TSNARE1: variants seen among roughly 807,000 people sequenced by gnomAD.
TSNARE1 encodes the protein t-SNARE domain-containing protein 1.
In TSNARE1, 49 loss-of-function variants were observed where a neutral mutation model predicts 62.0. That is an observed-to-expected ratio of 0.79 (90% CI 0.63 to 1.00). The LOEUF (loss-of-function observed/expected upper bound fraction) is 1.00, where lower values mean the gene tolerates loss of function less well. Among genes scored for constraint, TSNARE1 ranks in the 50% least tolerant of loss-of-function variants. The probability of loss-of-function intolerance (pLI) is 0.00; values close to 1 mark genes in which losing one functional copy is unlikely to be tolerated. For synonymous variants in TSNARE1, 328 were observed against 294.4 expected, an observed-to-expected ratio of 1.11 and a Z score of -1.17; for missense variants, 755 against 700.1, an observed-to-expected ratio of 1.08 and a Z score of -0.88.
At chr8:142,341,443 C>T (rs1832573472) in intron 4 of TSNARE1, among the ~76,000 whole-genome samples, 1 of 152,226 alleles carries the variant, frequency 6.6e-6, no homozygotes, top group African/African-American at 2.4e-5. Context: ...GGGCTGCAGG[C>T]ACATCCCAGG....
Position 142,270,230 on chromosome 8 carries a change from C to G in TSNARE1, c.1446+4551G>C, listed in dbSNP as rs999665426. 3.0e-6 allele frequency: 3 copies of G among 985,184 alleles called. No individual in the cohort carries two copies. In the African/African-American group the frequency reaches 5.2e-5, roughly 17 times the overall value. The allele number at this position is 985,184 out of a possible 1,614,324, so 61.0% of individuals were successfully genotyped here. A position where few individuals can be genotyped will look rare whatever the true frequency, so the allele number is the denominator to read the frequency against. On this transcript the variant is annotated intron_variant, in intron 12 of 13. Transcript: ENST00000524325. ...GTGGCAGCCCCGCCAAGGGATCTCCCAAGAGTCAAAGGAGGTAATGGAGGA... is the reference window on the plus strand; with the variant it reads ...GTGGCAGCCCCGCCAAGGGATCTCCGAAGAGTCAAAGGAGGTAATGGAGGA...
chr8:142,287,164 G>A (rs1347804689), intron 10 of TSNARE1, among the ~76,000 whole-genome samples: 26 of 151,318 alleles, frequency 1.7e-4, no homozygotes, highest in Admixed American at 1.7e-3. Context: ...GGGACAGTGG[G>A]CCGCCCTCCA....
chr8:142,229,535 G>A lies in TSNARE1; in HGVS notation c.1491C>T (p.Val497=). ...KIKCCFLSAG[V]TALLVIIIII... Reference sequence around the variant, plus strand: ...TGATGATGATGACAAGCAGGGCAGTGACTCCAGCTGATAGGAAGCAGCACT... The same window carrying A: ...TGATGATGATGACAAGCAGGGCAGTAACTCCAGCTGATAGGAAGCAGCACT... The change falls in exon 13 of 14, where the codon GTC becomes GTT. Residue 497 remains valine (V), a synonymous_variant. Coordinates refer to ENST00000524325, the MANE Select transcript of TSNARE1 (RefSeq NM_145003.5). 6.2e-7 allele frequency: 1 copy of A among 1,614,142 alleles called. No homozygotes were observed. Among genetic ancestry groups the A allele is most frequent in the Non-Finnish European group, 8.5e-7 (1 of 1,180,020 alleles).
intron 12 of TSNARE1, among the ~76,000 whole-genome samples, chr8:142,232,028 G>A (rs962792169): frequency 2.0e-5 from 3 of 152,264 alleles, no homozygotes; most frequent in Non-Finnish European, 4.4e-5. Context: ...GCATGGAAAA[G>A]AAACAGGAGC....
chr8:142,222,237 TTCAC>T (rs370304878), intron 13 of TSNARE1, among the ~76,000 whole-genome samples: 1 of 22,456 alleles, frequency 4.5e-5, no homozygotes, highest in African/African-American at 1.5e-4. Flanking sequence ...CATCCACTCA[TTCAC>T]TCACTCACTC....
chr8:142,238,435 C>T (rs1045364848), intron 12 of TSNARE1, among the ~76,000 whole-genome samples: 10 of 152,110 alleles, frequency 6.6e-5, no homozygotes, highest in African/African-American at 2.4e-4. Context: ...AAAACCCTGC[C>T]GCTGAGCCCA....
At chr8:142,256,581 C>T (rs1219242867) in intron 12 of TSNARE1, among the ~76,000 whole-genome samples, 83 of 149,704 alleles carry the variant, frequency 5.5e-4, no homozygotes, top group African/African-American at 1.9e-3. Context: ...ACCATCATCA[C>T]CACCATCACC....
In TSNARE1 at chr8:142,311,290, G is replaced by GTTT. The variant is rs58755110; in HGVS notation, c.1131+3091_1131+3093dup. ...CGATTCTCCTGCCTCAGCCTCTCTAGTTTTTTTTTTTTTTTTTTTTTTTTG... is the reference window on the plus strand; with the variant it reads ...CGATTCTCCTGCCTCAGCCTCTCTAGTTTTTTTTTTTTTTTTTTTTTTTTTTTG... On this transcript the variant is annotated intron_variant, in intron 9 of 13. Transcript: ENST00000524325. 1.2e-3 allele frequency among the ~76,000 whole-genome samples: 70 copies of GTTT among 57,336 alleles called. 4 individuals carry two copies. The highest frequency in any genetic ancestry group is 1.3e-3 in the Non-Finnish European group (46 of 34,444). 37.6% of individuals were successfully genotyped at this position (57,336 alleles called of 152,430 possible). A position where few individuals can be genotyped will look rare whatever the true frequency, so the allele number is the denominator to read the frequency against.
intron 13 of TSNARE1, among the ~76,000 whole-genome samples, chr8:142,214,118 C>T (rs1815712296): frequency 6.6e-6 from 1 of 152,204 alleles, no homozygotes; most frequent in Non-Finnish European, 1.5e-5. Flanking sequence ...GGCTCAGGGA[C>T]TGGCCGACTC....
At chr8:142,216,133 C>T (rs1815821827) in intron 13 of TSNARE1, among the ~76,000 whole-genome samples, 1 of 152,194 alleles carries the variant, frequency 6.6e-6, no homozygotes, top group Non-Finnish European at 1.5e-5. Context: ...CGCCCCTCAG[C>T]CCCAGCTCCT....
chr8:142,213,273 G>C (rs1279425881), intron 13 of TSNARE1, among the ~76,000 whole-genome samples: 1 of 124,120 alleles, frequency 8.1e-6, no homozygotes, highest in Non-Finnish European at 1.7e-5. Flanking sequence ...TTCCCTGCCA[G>C]GGAAATCCTG....
chr8:142,299,506 C>T (rs1055289777), intron 10 of TSNARE1, among the ~76,000 whole-genome samples: 7 of 152,228 alleles, frequency 4.6e-5, no homozygotes, highest in Non-Finnish European at 1.0e-4. Flanking sequence ...CGCAGAGGCT[C>T]GGATCCCACC....
At chr8:142,288,574 G>A (rs1458164306) in intron 10 of TSNARE1, among the ~76,000 whole-genome samples, 3 of 152,270 alleles carry the variant, frequency 2.0e-5, no homozygotes, top group African/African-American at 7.2e-5. Context: ...AGTCAGTGCT[G>A]GTGCCGAGGA....
Position 142,325,797 on chromosome 8 carries a change from C to T in TSNARE1, c.893+5104G>A, listed in dbSNP as rs535087920. Among the ~76,000 whole-genome samples, 9 of 152,274 alleles carry T rather than the reference C, an allele frequency of 5.9e-5. No individual in the cohort carries two copies. The South Asian group carries it at 1.4e-3, about 25-fold the overall frequency. ...AAAAGAGGCTGGAGTAGATGGATGA[C>T]GAACCAGCACCAACGAAGACCAGGG... On this transcript the variant is annotated intron_variant, in intron 6 of 13. Transcript: ENST00000524325.
chr8:142,313,296 CTG>C (rs1428943829), intron 9 of TSNARE1, among the ~76,000 whole-genome samples: 2 of 151,348 alleles, frequency 1.3e-5, no homozygotes, highest in African/African-American at 4.9e-5. Flanking sequence ...CTGCATGTGT[CTG>C]TGTTTATCTG....
At chr8:142,406,346 C>T (rs1452317994), upstream of TSNARE1, 5 of 152,378 alleles carry the variant, frequency 3.3e-5, no homozygotes, top group East Asian at 5.8e-4. Context: ...CCTAAGCTCA[C>T]GGGAGTGGGA....
At chr8:142,257,476 A>C (rs1818642726) in intron 12 of TSNARE1, among the ~76,000 whole-genome samples, 1 of 151,358 alleles carries the variant, frequency 6.6e-6, no homozygotes, top group Non-Finnish European at 1.5e-5. Flanking sequence ...CAGCCAGGAG[A>C]CTCTGGGAGC....
At chr8:142,297,964 T>C (rs1030635097) in intron 10 of TSNARE1, among the ~76,000 whole-genome samples, 2 of 152,090 alleles carry the variant, frequency 1.3e-5, no homozygotes, top group African/African-American at 2.4e-5. Flanking sequence ...GTCACCCCCA[T>C]GCTGCAGACA....
chr8:142,261,016 GGAGAC>G (rs199869513), intron 12 of TSNARE1, among the ~76,000 whole-genome samples: 477 of 10,180 alleles, frequency 0.047, 2 homozygotes, highest in Middle Eastern at 0.083. Flanking sequence ...AGGGAGGAGA[GGAGAC>G]AGGGAGGAGA....
Sources: gnomAD v4.1 joint callset for allele counts (sites outside exome capture counted in the v4.1 genomes callset) on GRCh38, gnomAD v4.1.1 for gene constraint, MANE v1.5 for transcripts, NCBI Gene and HGNC (gene_info 2026-07-23, HGNC 2026-07-21) for gene names.